Variants in PLXNB2 observed in about 807,000 individuals in gnomAD.
The protein encoded by PLXNB2 is plexin B2.
A neutral mutation model predicts 202.6 loss-of-function variants in PLXNB2; 85 were observed. The ratio of observed to expected loss-of-function variants is 0.42; its 90% CI spans 0.35 to 0.50. PLXNB2 has a LOEUF of 0.50. Among genes scored for constraint, PLXNB2 ranks in the 20% least tolerant of loss-of-function variants. The pLI is 0.02. For missense variants in PLXNB2, 2,063 were observed against 2,586.2 expected, an observed-to-expected ratio of 0.80 and a Z score of 4.39; for synonymous variants, 1,239 against 1,137.6, an observed-to-expected ratio of 1.09 and a Z score of -1.79.
At chr22:50,276,013 AG>A (rs1262950508) in intron 35 of PLXNB2, 50 bp from the exon 36 acceptor site, 20 of 1,527,018 alleles carry the variant, frequency 1.3e-5, no homozygotes, top group Non-Finnish European at 3.6e-6. Context: ...TGGGAGCCCC[AG>A]GGCTGGCAGG....
chr22:50,282,983 A>C lies in PLXNB2; in HGVS notation c.2816+67T>G, dbSNP rs180908061. 630 of 1,570,568 alleles carry C rather than the reference A, an allele frequency of 4.0e-4. 6 individuals carry two copies. The East Asian group carries it at 9.3e-3, about 23-fold the overall frequency. On this transcript the variant is annotated intron_variant, in intron 17 of 36. Transcript: ENST00000359337. ...ATCCCCTCAGGGCCACTCAGGTCTC[A>C]GTAAGTGCCCCCCTCCATACCCAGG... is the stretch of plus-strand genomic sequence containing the variant.
At position 50,275,763 on chromosome 22, in the gene PLXNB2, G is replaced by A; in HGVS notation, c.5458C>T (p.Leu1820=). The A allele has an allele frequency of 6.2e-7, 1 of 1,612,400 alleles. No individual in the cohort carries two copies. Among genetic ancestry groups the A allele is most frequent in the Non-Finnish European group, 8.5e-7 (1 of 1,179,730 alleles). The part of the protein sequence containing the change: ...EEDPAAQKMQ[L]AFRLQQIAAA... ...GCAATCTGCTGCAGGCGGAAGGCCAGCTGCATCTTCTGGGCGGCAGGATCC... is the reference window on the plus strand; with the variant it reads ...GCAATCTGCTGCAGGCGGAAGGCCAACTGCATCTTCTGGGCGGCAGGATCC... Residue 1820 remains leucine (L), a synonymous_variant, in exon 37 of 37, where the codon CTG becomes TTG. Transcript: ENST00000359337.
In PLXNB2 at chr22:50,284,791, GC is replaced by G. The variant is rs1278958386; in HGVS notation, c.2089-127del. 7.6e-6 allele frequency: 6 copies of G among 792,610 alleles called. No individual in the cohort carries two copies. The Admixed American group carries it at 1.0e-4, about 14-fold the overall frequency. The allele number at this position is 792,610 out of a possible 1,614,324, so 49.1% of individuals were successfully genotyped here. On this transcript the variant is annotated intron_variant, in intron 11 of 36. Coordinates refer to ENST00000359337, the MANE Select transcript of PLXNB2 (RefSeq NM_012401.4). The surrounding 1 kb of genome is among the most constrained non-coding windows in gnomAD (Gnocchi z 8.0). ...CCCTCTCCTCACCCCACACATGCCC[GC>G]CCCTCAGATTACCATGCCAGCTGAC...
At chr22:50,282,690 G>A (rs771425612) in intron 18 of PLXNB2, 21 bp downstream of exon 18, 31 of 1,563,202 alleles carry the variant, frequency 2.0e-5, no homozygotes, top group Non-Finnish European at 2.6e-5. Context: ...GCAGAGGGGG[G>A]CGGGGGGACA....
rs2147334521 is a variant in PLXNB2, at chr22:50,278,434, C to T, written c.4732+1G>A. On this transcript the variant is annotated splice_donor_variant, in intron 30 of 36. Coordinates refer to ENST00000359337, the MANE Select transcript of PLXNB2 (RefSeq NM_012401.4). LOFTEE classifies it high-confidence loss of function. The stretch of plus-strand genomic sequence containing the variant: ...GAAACGGGCAACAGGGAGGGACTCA[C>T]GCTCCCCAGGCAGGTCCTGCTGGCT... 2 of 1,559,130 alleles carry T rather than the reference C, an allele frequency of 1.3e-6. No individual in the cohort carries two copies. Among genetic ancestry groups the T allele is most frequent in the Non-Finnish European group, 8.7e-7 (1 of 1,151,462 alleles).
At position 50,282,881 on chromosome 22, in the gene PLXNB2, C is replaced by G; in HGVS notation, c.2817G>C (p.Val939=). ...RVTLNGVPCK[V]TKFGAQLQCV... is the part of the protein sequence containing the mutation. ...ACTGGAGCTGCGCCCCAAACTTCGT[C>G]CTGGGGGAGGGAGGGTGCTGGTCTG... Residue 939 remains valine, a splice_region_variant and synonymous_variant, in exon 18 of 37, where the codon GTG becomes GTC. Transcript: ENST00000359337. 1.2e-6 allele frequency: 2 copies of G among 1,607,776 alleles called. No individual in the cohort carries two copies. Among genetic ancestry groups the G allele is most frequent in the South Asian group, 2.2e-5 (2 of 90,666 alleles).
intron 27 of PLXNB2, among the ~76,000 whole-genome samples, 177 bp from the exon 28 acceptor site, chr22:50,279,188 C>G (rs1312183742): frequency 6.6e-6 from 1 of 152,256 alleles, no homozygotes; most frequent in African/African-American, 2.4e-5. Flanking sequence ...TCTGCCCTTC[C>G]CCTGCCTGCT....
At chr22:50,300,236 T>C (rs1379670445) in intron 1 of PLXNB2, 1 of 981,246 alleles carries the variant, frequency 1.0e-6, no homozygotes, top group Non-Finnish European at 1.2e-6. Context: ...GCGGCGACAG[T>C]CACACGAGCG....
At chr22:50,302,387 G>A (rs2067737729) in intron 1 of PLXNB2, among the ~76,000 whole-genome samples, 1 of 152,184 alleles carries the variant, frequency 6.6e-6, no homozygotes, top group Admixed American at 6.5e-5. Flanking sequence ...TGTGTGGGGA[G>A]GTGGGTGCCC....
In PLXNB2 at chr22:50,275,082, T is replaced by A. The variant is rs2065450389; in HGVS notation, c.*622A>T. The A allele has an allele frequency of 4.5e-6, 1 of 224,132 alleles. No homozygotes were observed. The highest frequency in any genetic ancestry group is 2.3e-5 in the African/African-American group (1 of 42,572). The allele number at this position is 224,132 out of a possible 1,614,324, so 13.9% of individuals were successfully genotyped here. A position where few individuals can be genotyped will look rare whatever the true frequency, so the allele number is the denominator to read the frequency against. ...CCAGTCCCCCCGGACTGGGTGGGGC[T>A]CTAGGGCAGCCTGTCTGACAGACCA... On this transcript the variant is annotated 3_prime_UTR_variant, in exon 37 of 37. Transcript: ENST00000359337.
intron 35 of PLXNB2, 86 bp from the exon 36 acceptor site, chr22:50,276,049 G>A: frequency 7.7e-7 from 1 of 1,298,832 alleles, no homozygotes. Context: ...CCCAGGACGA[G>A]GCCTCCCCGG....
chr22:50,277,430 G>A (rs1051535453), intron 33 of PLXNB2, among the ~76,000 whole-genome samples, 161 bp downstream of exon 33: 1 of 152,172 alleles, frequency 6.6e-6, no homozygotes, highest in African/African-American at 2.4e-5. Flanking sequence ...GGCTCTGCCG[G>A]GCCCCTGTGC....
chr22:50,292,570 T>C (rs1457710958), intron 2 of PLXNB2, among the ~76,000 whole-genome samples: 1 of 152,080 alleles, frequency 6.6e-6, no homozygotes, highest in Non-Finnish European at 1.5e-5. Context: ...CTGACCACTG[T>C]GTTTCTCCAC....
At position 50,282,697 on chromosome 22, in the gene PLXNB2, GA is replaced by G; in HGVS notation, c.2987+13del. The G allele has an allele frequency of 6.3e-7, 1 of 1,580,904 alleles. No individual in the cohort carries two copies. The highest frequency in any genetic ancestry group is 1.7e-5 in the Admixed American group (1 of 57,782). ...TGTGGGGAGCAGAGGGGGGCGGGGG[GA>G]CACCAGCCTCACCTGGCAAAGCTTC... On this transcript the variant is annotated intron_variant, in intron 18 of 36. Coordinates refer to ENST00000359337, the MANE Select transcript of PLXNB2 (RefSeq NM_012401.4).
intron 2 of PLXNB2, 85 bp from the exon 3 acceptor site, chr22:50,290,682 G>A (rs2066805550): frequency 1.5e-6 from 2 of 1,368,906 alleles, no homozygotes; most frequent in African/African-American, 2.9e-5. Context: ...CCAAACGTCA[G>A]AACATGGGAG....
intron 2 of PLXNB2, 102 bp downstream of exon 2, chr22:50,294,612 TGGCTG>T (rs2067127713): frequency 5.9e-6 from 2 of 337,924 alleles, no homozygotes; most frequent in South Asian, 1.1e-4. Flanking sequence ...GGTTGAAACC[TGGCTG>T]GACAGAGCCT....
Position 50,299,104 on chromosome 22 carries a change from G to A in PLXNB2, c.-73-4326C>T, listed in dbSNP as rs560846916. 4.6e-5 allele frequency among the ~76,000 whole-genome samples: 7 copies of A among 152,346 alleles called. No individual in the cohort carries two copies. In the East Asian group the frequency reaches 1.2e-3, roughly 25 times the overall value. Reference sequence around the variant, plus strand: ...GGGCCAGAGGAGGTGCATGGGCAGCGGCCCGGCAGGGGCCAAGATGGGGAT... The same window carrying A: ...GGGCCAGAGGAGGTGCATGGGCAGCAGCCCGGCAGGGGCCAAGATGGGGAT... On this transcript the variant is annotated intron_variant, in intron 1 of 36. Coordinates refer to ENST00000359337, the MANE Select transcript of PLXNB2 (RefSeq NM_012401.4).
chr22:50,288,928 C>G lies in PLXNB2; in HGVS notation c.1251+32G>C. On this transcript the variant is annotated intron_variant, in intron 4 of 36. Transcript: ENST00000359337. This position sits in a 1 kb window ranked among gnomAD's most constrained non-coding sequence, Gnocchi z 5.0. The stretch of plus-strand genomic sequence containing the variant: ...CGGGCCTTGTGCACAGACGGGCCCT[C>G]CAGAGCCTCCCCGCCCCAGCCTGGG... The G allele has an allele frequency of 6.2e-7, 1 of 1,607,092 alleles. No homozygotes were observed. The highest frequency in any genetic ancestry group is 1.1e-5 in the South Asian group (1 of 90,952).
intron 1 of PLXNB2, among the ~76,000 whole-genome samples, chr22:50,303,490 G>A (rs563893703): frequency 1.3e-5 from 2 of 152,346 alleles, no homozygotes; most frequent in South Asian, 2.1e-4. Flanking sequence ...TGGGAAGAGA[G>A]CCGCAGCCCT....
Sources: allele counts gnomAD v4.1 joint callset (sites outside exome capture counted in the v4.1 genomes callset), GRCh38; gene constraint gnomAD v4.1.1; non-coding constraint Gnocchi (gnomAD v3.1); transcripts MANE v1.5; gene names NCBI Gene and HGNC (gene_info 2026-07-23, HGNC 2026-07-21).